The following RUNX1 variants were observed in gnomAD, a reference collection of about 807,000 sequenced individuals.
The protein encoded by RUNX1 is RUNX family transcription factor 1.
RUNX1 carries 19 observed loss-of-function variants against 42.8 expected under a neutral mutation model. The ratio of observed to expected loss-of-function variants is 0.44; its 90% CI spans 0.31 to 0.65. The LOEUF (loss-of-function observed/expected upper bound fraction) is 0.65, where lower values mean the gene tolerates loss of function less well. RUNX1 is among the 30% of genes least tolerant of loss of function. RUNX1 has a pLI of 0.07. For synonymous variants in RUNX1, 271 were observed against 289.4 expected, an observed-to-expected ratio of 0.94 and a Z score of 0.64; for missense variants, 528 against 672.0, an observed-to-expected ratio of 0.79 and a Z score of 2.37.
intron 2 of RUNX1, among the ~76,000 whole-genome samples, chr21:34,990,482 T>TA (rs1325387700): frequency 6.6e-6 from 1 of 152,004 alleles, no homozygotes; most frequent in Non-Finnish European, 1.5e-5. Context: ...GCCAGTGCAA[T>TA]AGGCCTAGTC....
chr21:34,804,776 T>G (rs2056655829), intron 7 of RUNX1, among the ~76,000 whole-genome samples: 1 of 147,934 alleles, frequency 6.8e-6, no homozygotes, highest in East Asian at 2.0e-4. Flanking sequence ...AGTGTCTCGC[T>G]CTGTCGCCCA....
At chr21:35,049,115 TAAA>T (rs79420744) in intron 1 of RUNX1, 50 bp downstream of exon 1, 359 of 426,710 alleles carry the variant, frequency 8.4e-4, no homozygotes, top group East Asian at 1.1e-3. Flanking sequence ...TGTTAAAGAT[TAAA>T]AAAAAAAAAA....
intron 2 of RUNX1, among the ~76,000 whole-genome samples, chr21:34,944,844 A>G (rs979734666): frequency 6.6e-6 from 1 of 152,226 alleles, no homozygotes; most frequent in Non-Finnish European, 1.5e-5. Context: ...TATATGAAAG[A>G]CAGTTTAATG....
intron 2 of RUNX1, chr21:35,038,318 A>G: frequency 3.1e-6 from 1 of 324,720 alleles, no homozygotes. Flanking sequence ...TCCCTATCAA[A>G]GGCAACTCGT....
At chr21:34,829,950 G>C (rs934225601) in intron 7 of RUNX1, 4 of 152,196 alleles carry the variant, frequency 2.6e-5, no homozygotes, top group African/African-American at 9.7e-5. Flanking sequence ...GAATCAGACG[G>C]ACTTAAATAA....
At chr21:34,798,559 A>G (rs933885637) in intron 8 of RUNX1, among the ~76,000 whole-genome samples, 2 of 152,136 alleles carry the variant, frequency 1.3e-5, no homozygotes, top group East Asian at 3.8e-4. Flanking sequence ...GGTTCTCTAT[A>G]TCCGTGGGTT....
At chr21:34,997,868 G>T (rs2059008817) in intron 2 of RUNX1, among the ~76,000 whole-genome samples, 1 of 152,122 alleles carries the variant, frequency 6.6e-6, no homozygotes, top group Admixed American at 6.5e-5. Context: ...CCCCCAATCT[G>T]GGCGCTTCAT....
chr21:34,884,068 G>A (rs1226938730), intron 4 of RUNX1, among the ~76,000 whole-genome samples: 2 of 152,154 alleles, frequency 1.3e-5, no homozygotes, highest in East Asian at 3.8e-4. Flanking sequence ...TAACACCATG[G>A]TATTACCAAA....
intron 2 of RUNX1, among the ~76,000 whole-genome samples, chr21:34,945,576 A>C (rs1013350313): frequency 2.0e-5 from 3 of 152,096 alleles, no homozygotes; most frequent in Non-Finnish European, 4.4e-5. Context: ...CAGTTGATTC[A>C]ATTCTTCCCT....
At chr21:34,941,261 T>C (rs915685542) in intron 2 of RUNX1, among the ~76,000 whole-genome samples, 1 of 152,248 alleles carries the variant, frequency 6.6e-6, no homozygotes, top group Non-Finnish European at 1.5e-5. Context: ...AGGGAGCTAG[T>C]GACTCCCTGC....
rs983380405 is a variant in RUNX1, at chr21:34,791,469, C to A, written c.*666G>T. On this transcript the variant is annotated 3_prime_UTR_variant, in exon 9 of 9. Transcript: ENST00000675419. ...AAACAAAACAAAAAAAAACAACTAC[C>A]CAAAAGTCCAAAAGAAAAGTTAAAT... 8.7e-6 allele frequency: 2 copies of A among 228,864 alleles called. No homozygotes were observed. Among genetic ancestry groups the A allele is most frequent in the East Asian group, 1.2e-4 (2 of 16,374 alleles). The allele number at this position is 228,864 out of a possible 1,614,324, so 14.2% of individuals were successfully genotyped here. A position where few individuals can be genotyped will look rare whatever the true frequency, so the allele number is the denominator to read the frequency against.
chr21:34,877,024 T>G (rs2057824010), intron 5 of RUNX1, among the ~76,000 whole-genome samples: 1 of 152,028 alleles, frequency 6.6e-6, no homozygotes, highest in Non-Finnish European at 1.5e-5. Flanking sequence ...ACCTGGCTAA[T>G]TTTTTGTATT....
At chr21:34,872,158 T>G (rs893510552) in intron 5 of RUNX1, among the ~76,000 whole-genome samples, 1 of 152,176 alleles carries the variant, frequency 6.6e-6, no homozygotes, top group Non-Finnish European at 1.5e-5. Context: ...ATCACTTTTT[T>G]AATATGAGTG....
intron 6 of RUNX1, among the ~76,000 whole-genome samples, chr21:34,855,627 C>A (rs115631819): frequency 2.6e-5 from 4 of 152,090 alleles, no homozygotes; most frequent in South Asian, 2.1e-4. Flanking sequence ...ATCGCTTGAA[C>A]CTGGGAGTGG....
rs1444985117 is a variant in RUNX1, at chr21:34,790,483, T to C, written c.*1652A>G. The C allele has an allele frequency of 1.7e-5, 4 of 233,566 alleles. No individual in the cohort carries two copies. The highest frequency in any genetic ancestry group is 8.8e-5 in the African/African-American group (4 of 45,324). 14.5% of individuals were successfully genotyped at this position (233,566 alleles called of 1,614,324 possible). ...AAAATCAGCAGTTAGTATTTATGAG[T>C]TGTACAACAACTGCATTCTGACCAA... On this transcript the variant is annotated 3_prime_UTR_variant, in exon 9 of 9. Transcript: ENST00000675419.
chr21:34,815,834 A>G (rs188006543), intron 7 of RUNX1, among the ~76,000 whole-genome samples: 1 of 152,308 alleles, frequency 6.6e-6, no homozygotes, highest in African/African-American at 2.4e-5. Context: ...AGAGGAAGGA[A>G]GATGAAAAGA....
At chr21:35,022,206 A>C (rs190275565) in intron 2 of RUNX1, among the ~76,000 whole-genome samples, 3 of 152,294 alleles carry the variant, frequency 2.0e-5, no homozygotes, top group African/African-American at 7.2e-5. Context: ...GGGCAAAGGA[A>C]TGTGGCTTAC....
Position 34,797,257 on chromosome 21 carries a change from T to TA in RUNX1, c.967+2043dup, listed in dbSNP as rs371481656. On this transcript the variant is annotated intron_variant, in intron 8 of 8. Coordinates refer to ENST00000675419, the MANE Select transcript of RUNX1 (RefSeq NM_001754.5). ...GGGTTCTGAAATGAGGCATGGTTTT[T>TA]ATCTACTTCACACTCCCATGCCATA... Among the ~76,000 whole-genome samples, 1,187 of 152,360 alleles carry TA rather than the reference T, an allele frequency of 7.8e-3. 13 individuals carry two copies. The highest frequency in any genetic ancestry group is 0.027 in the African/African-American group (1,123 of 41,586).
intron 5 of RUNX1, among the ~76,000 whole-genome samples, chr21:34,878,041 C>G (rs1003970389): frequency 6.6e-6 from 1 of 151,958 alleles, no homozygotes; most frequent in East Asian, 1.9e-4. Context: ...GAAAATGAGA[C>G]AGTTGTCTTA....
Sources: gnomAD v4.1 joint callset for allele counts (sites outside exome capture counted in the v4.1 genomes callset) on GRCh38, gnomAD v4.1.1 for gene constraint, MANE v1.5 for transcripts, NCBI Gene and HGNC (gene_info 2026-07-23, HGNC 2026-07-21) for gene names.